GABRB1: variants seen among roughly 807,000 people sequenced by gnomAD.
The protein encoded by GABRB1 is gamma-aminobutyric acid receptor subunit beta-1.
GABRB1 carries 17 observed loss-of-function variants against 51.6 expected under a neutral mutation model. That is an observed-to-expected ratio of 0.33 (90% CI 0.23 to 0.49). GABRB1 has a LOEUF of 0.49. Among genes scored for constraint, GABRB1 ranks in the 20% least tolerant of loss-of-function variants. GABRB1 has a pLI of 0.99. For missense variants in GABRB1, 410 were observed against 600.6 expected (o/e 0.68, Z 3.32); for synonymous variants, 247 against 218.9 (o/e 1.13, Z -1.14).
intron 3 of GABRB1, among the ~76,000 whole-genome samples, chr4:47,067,927 T>C (rs1253295416): frequency 6.6e-6 from 1 of 152,122 alleles, no homozygotes; most frequent in Non-Finnish European, 1.5e-5. Context: ...TACCCCTATG[T>C]GTCCATGTAT....
intron 4 of GABRB1, among the ~76,000 whole-genome samples, chr4:47,199,380 A>C (rs1368790392): frequency 6.6e-6 from 1 of 152,184 alleles, no homozygotes; most frequent in Non-Finnish European, 1.5e-5. Flanking sequence ...AATATATGAA[A>C]TGTACGACTC....
chr4:47,179,042 T>G (rs1222242895), intron 4 of GABRB1, among the ~76,000 whole-genome samples: 1 of 152,058 alleles, frequency 6.6e-6, no homozygotes, highest in Non-Finnish European at 1.5e-5. Flanking sequence ...GGTATACATG[T>G]GCCATGGTGG....
At chr4:47,064,844 T>C (rs1301948573) in intron 3 of GABRB1, among the ~76,000 whole-genome samples, 4 of 152,112 alleles carry the variant, frequency 2.6e-5, no homozygotes, top group Non-Finnish European at 4.4e-5. Context: ...GTTCAATAAA[T>C]ATCCATCAAA....
intron 4 of GABRB1, among the ~76,000 whole-genome samples, chr4:47,281,005 G>A (rs1220146518): frequency 6.6e-6 from 1 of 151,878 alleles, no homozygotes; most frequent in Non-Finnish European, 1.5e-5. Flanking sequence ...TTGGTTGACA[G>A]GTATTCTTTT....
chr4:47,390,307 C>T (rs1727940150), intron 5 of GABRB1, among the ~76,000 whole-genome samples: 1 of 152,218 alleles, frequency 6.6e-6, no homozygotes, highest in Admixed American at 6.5e-5. Context: ...AACTGCTCCA[C>T]AACAGGACAT....
intron 8 of GABRB1, among the ~76,000 whole-genome samples, chr4:47,417,111 C>A (rs1728951623): frequency 6.6e-6 from 1 of 152,076 alleles, no homozygotes. Context: ...TTTTTGCTCT[C>A]AATGCTTTCA....
intron 5 of GABRB1, among the ~76,000 whole-genome samples, chr4:47,331,427 T>G (rs1272966457): frequency 6.6e-6 from 1 of 152,140 alleles, no homozygotes; most frequent in Non-Finnish European, 1.5e-5. Flanking sequence ...GTTAGCCTCA[T>G]AGTTGTTCAC....
intron 4 of GABRB1, among the ~76,000 whole-genome samples, chr4:47,186,080 G>A (rs1026373665): frequency 4.6e-5 from 7 of 151,862 alleles, no homozygotes; most frequent in Middle Eastern, 3.4e-3. Flanking sequence ...TTAATTGAAC[G>A]TCTTCTCAAA....
In GABRB1 at chr4:47,246,337, CATAT is replaced by C. The variant is rs60968247; in HGVS notation, c.462-73734_462-73731del. Among the ~76,000 whole-genome samples, 85 of 53,226 alleles carry C rather than the reference CATAT, an allele frequency of 1.6e-3. 1 individual carries two copies. The highest frequency in any genetic ancestry group is 2.0e-3 in the Non-Finnish European group (48 of 24,472). 34.9% of individuals were successfully genotyped at this position (53,226 alleles called of 152,430 possible). A position where few individuals can be genotyped will look rare whatever the true frequency, so the allele number is the denominator to read the frequency against. ...ACACACACACACACACACATATGTA[CATAT>C]ATATATATATATATATATATATATA... On this transcript the variant is annotated intron_variant, in intron 4 of 8. Coordinates refer to ENST00000295454, the MANE Select transcript of GABRB1 (RefSeq NM_000812.4).
At chr4:47,262,944 C>CA (rs1364483981) in intron 4 of GABRB1, among the ~76,000 whole-genome samples, 5 of 147,458 alleles carry the variant, frequency 3.4e-5, no homozygotes, top group African/African-American at 1.3e-4. Context: ...ATTGCAAGGA[C>CA]AAAAAACCAA....
At chr4:47,343,641 T>C (rs1391624537) in intron 5 of GABRB1, among the ~76,000 whole-genome samples, 1 of 152,160 alleles carries the variant, frequency 6.6e-6, no homozygotes, top group Non-Finnish European at 1.5e-5. Flanking sequence ...TGAGAATGAC[T>C]GATGGACCCT....
intron 4 of GABRB1, among the ~76,000 whole-genome samples, chr4:47,198,337 G>A (rs1719771287): frequency 6.6e-6 from 1 of 152,188 alleles, no homozygotes; most frequent in Non-Finnish European, 1.5e-5. Flanking sequence ...AAAGATGGGG[G>A]AGGAAATGTG....
At chr4:47,263,938 G>C (rs1722548992) in intron 4 of GABRB1, among the ~76,000 whole-genome samples, 1 of 151,372 alleles carries the variant, frequency 6.6e-6, no homozygotes, top group Middle Eastern at 3.4e-3. Flanking sequence ...TTTGAGCCCA[G>C]GAATTCAAAA....
intron 4 of GABRB1, among the ~76,000 whole-genome samples, chr4:47,181,534 C>T (rs1368552114): frequency 1.3e-5 from 2 of 151,936 alleles, no homozygotes; most frequent in African/African-American, 4.8e-5. Context: ...ATTCTCGTTC[C>T]ATCATTTAGT....
Position 47,124,713 on chromosome 4 carries a change from A to G in GABRB1, c.241-36536A>G, listed in dbSNP as rs555830239. 4.8e-3 allele frequency among the ~76,000 whole-genome samples: 735 copies of G among 152,288 alleles called. 4 individuals carry two copies. The highest frequency in any genetic ancestry group is 7.6e-3 in the Non-Finnish European group (514 of 68,014). ...ATTCTGGAGCTGAAAAATATGATAA[A>G]TGAAATAAAATTGCAATACAGAACT... On this transcript the variant is annotated intron_variant, in intron 3 of 8. Transcript: ENST00000295454.
At chr4:47,249,284 C>T (rs1480735478) in intron 4 of GABRB1, among the ~76,000 whole-genome samples, 1 of 152,080 alleles carries the variant, frequency 6.6e-6, no homozygotes, top group African/African-American at 2.4e-5. Flanking sequence ...CATTCAGAAG[C>T]AGGTTATTTA....
chr4:47,283,435 G>C (rs1186264151), intron 4 of GABRB1, among the ~76,000 whole-genome samples: 2 of 115,366 alleles, frequency 1.7e-5, no homozygotes, highest in African/African-American at 6.7e-5. Context: ...ACCGAAGCTG[G>C]AATGCAGCCA....
chr4:47,346,265 T>C (rs1041220183), intron 5 of GABRB1, among the ~76,000 whole-genome samples: 2 of 152,050 alleles, frequency 1.3e-5, no homozygotes, highest in Non-Finnish European at 2.9e-5. Context: ...AAGAGATGAA[T>C]AGGAGTTAAT....
At chr4:47,001,303 C>T (rs902232242) in intron 1 of GABRB1, among the ~76,000 whole-genome samples, 6 of 151,912 alleles carry the variant, frequency 3.9e-5, no homozygotes, top group Non-Finnish European at 8.8e-5. Flanking sequence ...CCACCACGCC[C>T]AGCTAATTTT....
Sources: gnomAD v4.1 joint callset for allele counts (sites outside exome capture counted in the v4.1 genomes callset) on GRCh38, gnomAD v4.1.1 for gene constraint, MANE v1.5 for transcripts, NCBI Gene and HGNC (gene_info 2026-07-23, HGNC 2026-07-21) for gene names.